The following MAGI2 variants were observed in gnomAD, a reference collection of about 807,000 sequenced individuals.
MAGI2 encodes membrane-associated guanylate kinase, WW and PDZ domain-containing protein 2.
Under a neutral mutation model 133.3 loss-of-function variants are expected in MAGI2, and 35 were observed. That is an observed-to-expected ratio of 0.26 (90% CI 0.20 to 0.35). The LOEUF (loss-of-function observed/expected upper bound fraction) is 0.35. Among genes scored for constraint, MAGI2 ranks in the 10% least tolerant of loss-of-function variants. MAGI2 has a pLI of 1.00. For missense variants in MAGI2, 1,636 were observed against 1,863.4 expected, an observed-to-expected ratio of 0.88 and a Z score of 2.25; for synonymous variants, 729 against 710.6, an observed-to-expected ratio of 1.03 and a Z score of -0.41.
At chr7:79,285,538 C>A (rs888987736) in intron 1 of MAGI2, among the ~76,000 whole-genome samples, 1 of 152,124 alleles carries the variant, frequency 6.6e-6, no homozygotes, top group Non-Finnish European at 1.5e-5. Context: ...TTGCTTTAGG[C>A]AACAAGTTTC....
At chr7:79,288,385 A>G (rs2129558544) in intron 1 of MAGI2, among the ~76,000 whole-genome samples, 1 of 152,344 alleles carries the variant, frequency 6.6e-6, no homozygotes, top group East Asian at 1.9e-4. Context: ...ACTATATATT[A>G]TGAACATTTA....
intron 2 of MAGI2, among the ~76,000 whole-genome samples, chr7:78,800,247 G>T (rs1386885535): frequency 4.6e-5 from 7 of 152,080 alleles, no homozygotes; most frequent in African/African-American, 1.4e-4. Flanking sequence ...AATATCTGTG[G>T]TATTGGGCAA....
chr7:78,737,045 CT>C (rs1371091618), intron 2 of MAGI2, among the ~76,000 whole-genome samples: 1 of 152,116 alleles, frequency 6.6e-6, no homozygotes, highest in Non-Finnish European at 1.5e-5. Flanking sequence ...GCTATTCAGA[CT>C]TGAGTATTTG....
rs575414784 is a variant in MAGI2, at chr7:78,460,705, C to A, written c.1045+29056G>T. The stretch of plus-strand genomic sequence containing the variant: ...ACGCAGGATGTGCAAGGCACTGAGG[C>A]CCTTTGCTTTGGGTTAAATGGAGGT... On this transcript the variant is annotated intron_variant, in intron 6 of 21. Coordinates refer to ENST00000354212, the MANE Select transcript of MAGI2 (RefSeq NM_012301.4). 1.3e-5 allele frequency among the ~76,000 whole-genome samples: 2 copies of A among 152,246 alleles called. 1 individual carries two copies. The highest frequency in any genetic ancestry group is 4.8e-5 in the African/African-American group (2 of 41,538).
At chr7:78,168,705 T>A (rs947439101) in intron 14 of MAGI2, among the ~76,000 whole-genome samples, 1 of 152,230 alleles carries the variant, frequency 6.6e-6, no homozygotes, top group African/African-American at 2.4e-5. Context: ...AAATAACTCA[T>A]GTGAAGCATT....
At chr7:78,450,402 T>G (rs1228684124) in intron 6 of MAGI2, among the ~76,000 whole-genome samples, 2 of 152,120 alleles carry the variant, frequency 1.3e-5, no homozygotes, top group African/African-American at 4.8e-5. Context: ...AAGTTATTCA[T>G]ATCTTGAAAT....
chr7:78,463,651 C>T (rs889775329), intron 6 of MAGI2, among the ~76,000 whole-genome samples: 1 of 152,110 alleles, frequency 6.6e-6, no homozygotes, highest in African/African-American at 2.4e-5. Flanking sequence ...GGAAACTCCC[C>T]CTCGCAAATG....
At chr7:79,362,539 A>T (rs1842433811) in intron 1 of MAGI2, among the ~76,000 whole-genome samples, 1 of 152,086 alleles carries the variant, frequency 6.6e-6, no homozygotes, top group South Asian at 2.1e-4. Flanking sequence ...CCAGACAAAG[A>T]AAAAAATATT....
At position 79,385,851 on chromosome 7, in the gene MAGI2, G is replaced by A. The variant is rs563066016; in HGVS notation, c.301+67169C>T. Reference sequence around the variant, plus strand: ...AGTAGATTGTAGCTGCTCTTGTTACGAAGAAAGTAACTGTGAGATAGTAGA... The same window carrying A: ...AGTAGATTGTAGCTGCTCTTGTTACAAAGAAAGTAACTGTGAGATAGTAGA... On this transcript the variant is annotated intron_variant, in intron 1 of 21. Transcript: ENST00000354212. 7.2e-5 allele frequency among the ~76,000 whole-genome samples: 11 copies of A among 152,016 alleles called. No individual in the cohort carries two copies. In the South Asian group the frequency reaches 1.7e-3, roughly 23 times the overall value.
At chr7:78,515,196 G>T (rs1795936567) in intron 4 of MAGI2, among the ~76,000 whole-genome samples, 1 of 152,124 alleles carries the variant, frequency 6.6e-6, no homozygotes. Context: ...AATTACTCTG[G>T]TTTACATGAT....
At chr7:78,246,953 TC>T (rs1791859192) in intron 10 of MAGI2, among the ~76,000 whole-genome samples, 9 of 152,094 alleles carry the variant, frequency 5.9e-5, no homozygotes, top group Non-Finnish European at 1.3e-4. Context: ...CTGTGGGCAA[TC>T]TCTATCCAAC....
chr7:78,346,119 G>T, intron 7 of MAGI2, 76 bp from the exon 8 acceptor site: 1 of 1,544,680 alleles, frequency 6.5e-7, no homozygotes, highest in South Asian at 1.2e-5. Flanking sequence ...GCTCTATGGA[G>T]AGCAGGTGAT....
chr7:78,602,550 T>A (rs1054785304), intron 3 of MAGI2, among the ~76,000 whole-genome samples: 1 of 152,116 alleles, frequency 6.6e-6, no homozygotes, highest in African/African-American at 2.4e-5. Context: ...AGTCTTCATA[T>A]CAAAATTGAG....
chr7:78,577,304 T>C (rs561352396), intron 3 of MAGI2, among the ~76,000 whole-genome samples: 3 of 152,292 alleles, frequency 2.0e-5, no homozygotes, highest in East Asian at 1.9e-4. Context: ...CATATCTCTG[T>C]TCAAAAATGA....
At chr7:78,163,279 A>T (rs1455060845) in intron 15 of MAGI2, among the ~76,000 whole-genome samples, 1 of 152,032 alleles carries the variant, frequency 6.6e-6, no homozygotes, top group East Asian at 2.0e-4. Flanking sequence ...CTGAGACTAC[A>T]GGCGTCCGCC....
chr7:78,247,548 A>G (rs191149249), intron 10 of MAGI2, among the ~76,000 whole-genome samples: 117 of 152,374 alleles, frequency 7.7e-4, no homozygotes, highest in Middle Eastern at 3.4e-3. Flanking sequence ...GTTGAAAAAA[A>G]TCAGAGAAAC....
At chr7:78,318,909 C>T (rs1464850931) in intron 9 of MAGI2, among the ~76,000 whole-genome samples, 2 of 152,108 alleles carry the variant, frequency 1.3e-5, no homozygotes, top group Non-Finnish European at 2.9e-5. Context: ...TACAGACAAG[C>T]AAATGGTGAC....
At chr7:79,216,034 G>A (rs1327439750) in intron 1 of MAGI2, among the ~76,000 whole-genome samples, 1 of 151,786 alleles carries the variant, frequency 6.6e-6, no homozygotes, top group African/African-American at 2.4e-5. Flanking sequence ...AGACATTCCT[G>A]TTTTCACGCC....
At chr7:79,012,788 T>TTAGGTGGCTTCAATAAC (rs11272377) in intron 1 of MAGI2, among the ~76,000 whole-genome samples, 10 of 151,874 alleles carry the variant, frequency 6.6e-5, no homozygotes, top group Non-Finnish European at 1.3e-4. Context: ...ATACCATAGA[T>TTAGGTGGCTTCAATAAC]TAATCTGTAT....
Sources: allele counts gnomAD v4.1 joint callset (sites outside exome capture counted in the v4.1 genomes callset), GRCh38; gene constraint gnomAD v4.1.1; transcripts MANE v1.5; gene names NCBI Gene and HGNC (gene_info 2026-07-23, HGNC 2026-07-21).